The following RPGRIP1 variants were observed in gnomAD, a reference collection of about 807,000 sequenced individuals.
RPGRIP1 encodes the protein RPGR interacting protein 1.
RPGRIP1 carries 128 observed loss-of-function variants against 157.9 expected under a neutral mutation model. That is an observed-to-expected ratio of 0.81 (90% CI 0.70 to 0.94). The LOEUF (loss-of-function observed/expected upper bound fraction) is 0.94. Among genes scored for constraint, RPGRIP1 ranks in the 40% least tolerant of loss-of-function variants. The pLI, the probability that RPGRIP1 is intolerant of heterozygous loss-of-function variation, is 0.00. For missense variants in RPGRIP1, 1,486 were observed against 1,545.8 expected, an observed-to-expected ratio of 0.96 and a Z score of 0.65; for synonymous variants, 554 against 571.6, an observed-to-expected ratio of 0.97 and a Z score of 0.44.
chr14:21,298,538 G>C (rs1447976665), intron 3 of RPGRIP1, among the ~76,000 whole-genome samples: 1 of 152,026 alleles, frequency 6.6e-6, no homozygotes, highest in East Asian at 1.9e-4. Context: ...GCACAGACTA[G>C]CTTCAAACAA....
intron 3 of RPGRIP1, among the ~76,000 whole-genome samples, chr14:21,298,668 G>A (rs944133723): frequency 6.6e-6 from 1 of 151,904 alleles, no homozygotes. Flanking sequence ...TTGGCCGGGC[G>A]TGGTGGCTCA....
intron 2 of RPGRIP1, among the ~76,000 whole-genome samples, chr14:21,294,229 TTTTG>T (rs1307515294): frequency 1.5e-4 from 17 of 115,958 alleles, no homozygotes; most frequent in African/African-American, 5.0e-4. Flanking sequence ...TCATTTCTGT[TTTTG>T]TTTTTTTTTT....
chr14:21,282,340 A>G (rs554558907), intron 1 of RPGRIP1, among the ~76,000 whole-genome samples: 3 of 148,968 alleles, frequency 2.0e-5, no homozygotes, highest in East Asian at 2.1e-4. Context: ...AGGTTCAAGC[A>G]ATTCCCCTGC....
intron 5 of RPGRIP1, 149 bp downstream of exon 5, chr14:21,302,733 A>T: frequency 1.1e-5 from 5 of 455,214 alleles, no homozygotes; most frequent in Non-Finnish European, 7.9e-6. Context: ...TTCCAACTTC[A>T]TTGCTTAAAA....
In RPGRIP1 at chr14:21,317,728, C is replaced by G; in HGVS notation, c.1184C>G (p.Pro395Arg). 6.3e-7 allele frequency: 1 copy of G among 1,588,522 alleles called. No homozygotes were observed. The highest frequency in any genetic ancestry group is 1.1e-5 in the South Asian group (1 of 87,112). ...MLDSSDSSSQ[P>R]HWSNELIAEQ... ...GACAGCAGTGACAGCTCCAGTCAGCCCCACTGGAGCAACGAGCTCATAGCG... is the reference window on the plus strand; with the variant it reads ...GACAGCAGTGACAGCTCCAGTCAGCGCCACTGGAGCAACGAGCTCATAGCG... Residue 395 changes from proline to arginine, a missense_variant, in exon 11 of 25, where the codon CCC (proline) becomes CGC (arginine). Transcript: ENST00000400017.
chr14:21,319,435 G>T (rs1037403690), intron 11 of RPGRIP1, among the ~76,000 whole-genome samples: 1 of 152,078 alleles, frequency 6.6e-6, no homozygotes, highest in South Asian at 2.1e-4. Context: ...AGTGTCGTGC[G>T]CCTGTAATAC....
At chr14:21,307,623 G>A in intron 6 of RPGRIP1, 108 bp from the exon 7 acceptor site, 2 of 698,886 alleles carry the variant, frequency 2.9e-6, no homozygotes, top group South Asian at 3.4e-5. Context: ...GGTAAGACGG[G>A]AAGGCAAGAG....
At chr14:21,284,587 C>G (rs1404919027) in intron 1 of RPGRIP1, among the ~76,000 whole-genome samples, 1 of 149,816 alleles carries the variant, frequency 6.7e-6, no homozygotes, top group Non-Finnish European at 1.5e-5. Context: ...TCTTGTCACC[C>G]AGGCTGGAGT....
chr14:21,297,240 A>C (rs1475054817), intron 3 of RPGRIP1, among the ~76,000 whole-genome samples: 2 of 151,924 alleles, frequency 1.3e-5, no homozygotes, highest in Non-Finnish European at 2.9e-5. Flanking sequence ...GATTACAAGC[A>C]TGTGCCACCA....
At chr14:21,317,893 T>G in intron 11 of RPGRIP1, 43 bp downstream of exon 11, 3 of 1,518,098 alleles carry the variant, frequency 2.0e-6, no homozygotes, top group Non-Finnish European at 2.7e-6. Context: ...TGGCATCCTC[T>G]ACCTCTGGTT....
rs1324633537 is a variant in RPGRIP1, at chr14:21,301,189, A to G, written c.442A>G (p.Arg148Gly). ...CCAGCCTCGCGTCCAAGTGGGACACAGACAGCTCCACACAGCCGGTGCACC... is the reference window on the plus strand; with the variant it reads ...CCAGCCTCGCGTCCAAGTGGGACACGGACAGCTCCACACAGCCGGTGCACC... ...RAQPRVQVGHRQLHTAGAPVP... is the reference protein window; with the variant it reads ...RAQPRVQVGHGQLHTAGAPVP... The change falls in exon 4 of 25, where the codon AGA becomes GGA. Residue 148 changes from arginine to glycine, a missense_variant. Transcript: ENST00000400017. 6.3e-7 allele frequency: 1 copy of G among 1,595,500 alleles called. No homozygotes were observed. Among genetic ancestry groups the G allele is most frequent in the African/African-American group, 1.3e-5 (1 of 74,666 alleles).
At chr14:21,319,702 T>C (rs1318338462) in intron 11 of RPGRIP1, among the ~76,000 whole-genome samples, 2 of 152,058 alleles carry the variant, frequency 1.3e-5, no homozygotes, top group Non-Finnish European at 1.5e-5. Flanking sequence ...GAGATACTGG[T>C]TTCGATGCTG....
chr14:21,284,141 G>A lies in RPGRIP1; in HGVS notation c.-38-3798G>A, dbSNP rs116055803. Among the ~76,000 whole-genome samples, 759 of 152,170 alleles carry A rather than the reference G, an allele frequency of 5.0e-3. 6 individuals are homozygous for A. Among genetic ancestry groups the A allele is most frequent in the African/African-American group, 0.013 (552 of 41,534 alleles). Reference sequence around the variant, plus strand: ...TTATCCAATTCAAGTTAAATTGCCCGGAAAGCAGATCAATACAATGTTTAC... The same window carrying A: ...TTATCCAATTCAAGTTAAATTGCCCAGAAAGCAGATCAATACAATGTTTAC... On this transcript the variant is annotated intron_variant, in intron 1 of 24. Transcript: ENST00000400017.
chr14:21,311,668 G>A, intron 8 of RPGRIP1, 156 bp from the exon 9 acceptor site: 1 of 496,124 alleles, frequency 2.0e-6, no homozygotes, highest in Non-Finnish European at 3.4e-6. Flanking sequence ...ATGCTAGGGT[G>A]AAAAACAAGG....
In RPGRIP1 at chr14:21,312,741, T is replaced by C. The variant is rs962043796; in HGVS notation, c.1151+235T>C. 2.6e-5 allele frequency among the ~76,000 whole-genome samples: 4 copies of C among 151,444 alleles called. No individual in the cohort carries two copies. In the East Asian group the frequency reaches 7.8e-4, roughly 29 times the overall value. On this transcript the variant is annotated intron_variant, in intron 10 of 24. Transcript: ENST00000400017. Reference sequence around the variant, plus strand: ...TCTCGCTCTGCTGCCCAGGCTGGAGTGCAGTGGTGCGATCTTGGCTCACTG... The same window carrying C: ...TCTCGCTCTGCTGCCCAGGCTGGAGCGCAGTGGTGCGATCTTGGCTCACTG...
chr14:21,322,247 T>A (rs1050202527), intron 14 of RPGRIP1, among the ~76,000 whole-genome samples: 1 of 152,148 alleles, frequency 6.6e-6, no homozygotes, highest in African/African-American at 2.4e-5. Context: ...AACCTCTGCC[T>A]TCCAGGTTCA....
chr14:21,341,412 G>A (rs1462188449), intron 21 of RPGRIP1, among the ~76,000 whole-genome samples: 1 of 152,068 alleles, frequency 6.6e-6, no homozygotes, highest in Admixed American at 6.6e-5. Flanking sequence ...ATTTCTTAGG[G>A]GCAGGCACAG....
In RPGRIP1 at chr14:21,345,387, G is replaced by GTTAT. The variant is rs139819474; in HGVS notation, c.3617+217_3617+220dup. On this transcript the variant is annotated intron_variant, in intron 23 of 24. Coordinates refer to ENST00000400017, the MANE Select transcript of RPGRIP1 (RefSeq NM_020366.4). ...CCTAATCCATTACCTAATCTTATAG[G>GTTAT]TTATTTATTTATTTATTTATTTATT... Among the ~76,000 whole-genome samples the GTTAT allele has an allele frequency of 0.16, 23,770 of 150,740 alleles. 2,189 individuals carry two copies. The highest frequency in any genetic ancestry group is 0.24 in the African/African-American group (9,955 of 40,864).
At chr14:21,335,518 A>G (rs777330264) in intron 21 of RPGRIP1, among the ~76,000 whole-genome samples, 1 of 152,106 alleles carries the variant, frequency 6.6e-6, no homozygotes, top group Non-Finnish European at 1.5e-5. Flanking sequence ...TTTAAGAGAC[A>G]CGCATCAAAA....
Sources: allele counts gnomAD v4.1 joint callset (sites outside exome capture counted in the v4.1 genomes callset), GRCh38; gene constraint gnomAD v4.1.1; transcripts MANE v1.5; gene names NCBI Gene and HGNC (gene_info 2026-07-23, HGNC 2026-07-21).